ADGRV1: variants seen among roughly 807,000 people sequenced by gnomAD.
ADGRV1 encodes the protein G-protein coupled receptor 98.
ADGRV1 carries 359 observed loss-of-function variants against 596.2 expected under a neutral mutation model. The observed-to-expected ratio is 0.60, with a 90% CI of 0.55 to 0.66. ADGRV1 has a LOEUF of 0.66. ADGRV1 is among the 30% of genes least tolerant of loss of function. The pLI is 0.00. For missense variants in ADGRV1, 7,274 were observed against 7,575.6 expected, an observed-to-expected ratio of 0.96 and a Z score of 1.48; for synonymous variants, 2,681 against 2,679.2, an observed-to-expected ratio of 1.00 and a Z score of -0.02.
chr5:90,691,295 T>C (rs1746436010), intron 31 of ADGRV1, among the ~76,000 whole-genome samples: 1 of 149,486 alleles, frequency 6.7e-6, no homozygotes, highest in Non-Finnish European at 1.5e-5. Context: ...GTTCAACATT[T>C]TGGTTAAAAG....
Position 90,618,041 on chromosome 5 carries a change from T to C in ADGRV1, c.357+88T>C. 4.1e-6 allele frequency: 4 copies of C among 984,660 alleles called. No individual in the cohort carries two copies. The South Asian group carries it at 8.4e-5, about 21-fold the overall frequency. 61.0% of individuals were successfully genotyped at this position (984,660 alleles called of 1,614,324 possible). On this transcript the variant is annotated intron_variant, in intron 3 of 89. Coordinates refer to ENST00000405460, the MANE Select transcript of ADGRV1 (RefSeq NM_032119.4). ...TTTAGTGCTTAACAATCTATCTATC[T>C]AGAGATGAGCCAATTCAGATAACTG... is the stretch of plus-strand genomic sequence containing the variant.
chr5:90,745,545 T>G, intron 51 of ADGRV1, 46 bp from the exon 52 acceptor site: 1 of 1,302,960 alleles, frequency 7.7e-7, no homozygotes, highest in Non-Finnish European at 1.1e-6. Flanking sequence ...GTATATATCT[T>G]AAATTTGTTG....
chr5:90,644,336 A>T (rs1433004184), intron 14 of ADGRV1, among the ~76,000 whole-genome samples: 3 of 152,214 alleles, frequency 2.0e-5, no homozygotes, highest in African/African-American at 7.2e-5. Flanking sequence ...TTTTTAGAGC[A>T]GTGTCTGTCT....
In ADGRV1 at chr5:90,629,329, A is replaced by G. The variant is rs757638928; in HGVS notation, c.1629A>G (p.Arg543=). 8.1e-6 allele frequency: 13 copies of G among 1,613,522 alleles called. No individual in the cohort carries two copies. Among genetic ancestry groups the G allele is most frequent in the Non-Finnish European group, 1.0e-5 (12 of 1,179,770 alleles). Residue 543 remains arginine (R), a synonymous_variant, in exon 9 of 90, where the codon AGA becomes AGG. Coordinates refer to ENST00000405460, the MANE Select transcript of ADGRV1 (RefSeq NM_032119.4). ...GERYLSLSFT[R]LGGTKGDVRL... ...GATACTTATCCTTGAGTTTTACAAGACTAGGAGGGACTAAAGGAGATGTGA... is the reference window on the plus strand; with the variant it reads ...GATACTTATCCTTGAGTTTTACAAGGCTAGGAGGGACTAAAGGAGATGTGA...
chr5:90,601,919 T>C (rs1051846643), intron 1 of ADGRV1, among the ~76,000 whole-genome samples: 3 of 152,206 alleles, frequency 2.0e-5, no homozygotes, highest in Non-Finnish European at 2.9e-5. Flanking sequence ...TGCTGGAGGC[T>C]TGGACAATAA....
At chr5:91,114,263 A>G (rs1792648286) in intron 87 of ADGRV1, among the ~76,000 whole-genome samples, 1 of 151,886 alleles carries the variant, frequency 6.6e-6, no homozygotes, top group Non-Finnish European at 1.5e-5. Flanking sequence ...GCAGTGGGTC[A>G]AGCCTGTAAT....
chr5:90,866,317 G>GTGTGTA (rs1768098538), intron 83 of ADGRV1, among the ~76,000 whole-genome samples: 1 of 149,178 alleles, frequency 6.7e-6, no homozygotes, highest in South Asian at 2.1e-4. Context: ...ATGTGTATAT[G>GTGTGTA]TGTGTGTGTG....
chr5:90,733,038 G>A (rs1215423702), intron 50 of ADGRV1, among the ~76,000 whole-genome samples: 1 of 152,198 alleles, frequency 6.6e-6, no homozygotes, highest in East Asian at 1.9e-4. Context: ...GAATATGCTG[G>A]ATGAAGTAAC....
chr5:91,006,541 G>A (rs1782293323), intron 85 of ADGRV1, among the ~76,000 whole-genome samples: 1 of 152,002 alleles, frequency 6.6e-6, no homozygotes, highest in Non-Finnish European at 1.5e-5. Flanking sequence ...CAATTAGTAA[G>A]ATGTTCTATG....
intron 87 of ADGRV1, among the ~76,000 whole-genome samples, chr5:91,113,887 C>T (rs745964944): frequency 6.6e-6 from 1 of 151,166 alleles, no homozygotes; most frequent in Non-Finnish European, 1.5e-5. Context: ...TCACTTTACT[C>T]CAGCCTGGGC....
chr5:91,009,525 A>G (rs1195286663), intron 85 of ADGRV1, among the ~76,000 whole-genome samples: 1 of 152,274 alleles, frequency 6.6e-6, no homozygotes, highest in African/African-American at 2.4e-5. Flanking sequence ...TTTTTATTCT[A>G]AATGTTCATA....
At chr5:90,693,784 T>C (rs1746800773) in intron 32 of ADGRV1, 106 bp from the exon 33 acceptor site, 2 of 833,492 alleles carry the variant, frequency 2.4e-6, no homozygotes, top group South Asian at 2.2e-5. Flanking sequence ...ACTATGACTT[T>C]AAACATTTTT....
intron 45 of ADGRV1, among the ~76,000 whole-genome samples, chr5:90,721,856 T>A (rs993769836): frequency 2.8e-5 from 4 of 143,096 alleles, no homozygotes; most frequent in Non-Finnish European, 4.5e-5. Flanking sequence ...GAGGTGAGAG[T>A]GAGAAGCTGT....
At chr5:90,874,169 A>T (rs1399617604) in intron 83 of ADGRV1, among the ~76,000 whole-genome samples, 1 of 152,068 alleles carries the variant, frequency 6.6e-6, no homozygotes, top group Admixed American at 6.5e-5. Context: ...CTCCCCGTTC[A>T]CCCAGCACAG....
At chr5:90,800,352 T>C (rs775862509) in intron 70 of ADGRV1, among the ~76,000 whole-genome samples, 115 of 152,212 alleles carry the variant, frequency 7.6e-4, no homozygotes, top group Non-Finnish European at 1.3e-3. Flanking sequence ...ATTAGAGAAA[T>C]GCAAATCAGA....
chr5:91,143,768 C>G (rs545721982), intron 87 of ADGRV1, among the ~76,000 whole-genome samples: 2 of 152,330 alleles, frequency 1.3e-5, no homozygotes, highest in Non-Finnish European at 2.9e-5. Context: ...GGGGCCTTCC[C>G]CCTCTACTCC....
chr5:90,751,519 T>C lies in ADGRV1; in HGVS notation c.11121+822T>C, dbSNP rs535461285. 4.6e-5 allele frequency among the ~76,000 whole-genome samples: 7 copies of C among 152,116 alleles called. No individual in the cohort carries two copies. In the South Asian group the frequency reaches 1.2e-3, roughly 27 times the overall value. ...GAGATTATCTATTACTGGAGAATAG[T>C]ATAAAGTTGGAGCTGAGGTTCAAGA... On this transcript the variant is annotated intron_variant, in intron 53 of 89. Coordinates refer to ENST00000405460, the MANE Select transcript of ADGRV1 (RefSeq NM_032119.4).
chr5:90,684,176 G>C lies in ADGRV1; in HGVS notation c.6255G>C (p.Ala2085=), dbSNP rs768812855. ...AACTACTCAACTCTACTTTAGTAGC[G>C]AAAGTACAGAGTCGTTCAAGTAAGT... ...FIELLNSTLV[A]KVQSRSIPNS... Residue 2085 remains alanine (A), a synonymous_variant, in exon 28 of 90, where the codon GCG becomes GCC. Transcript: ENST00000405460. 1 of 1,612,152 alleles carries C rather than the reference G, an allele frequency of 6.2e-7. No homozygotes were observed. The highest frequency in any genetic ancestry group is 8.5e-7 in the Non-Finnish European group (1 of 1,178,892).
At chr5:90,985,614 A>G (rs2151050184) in intron 85 of ADGRV1, 92 bp downstream of exon 85, 2 of 903,298 alleles carry the variant, frequency 2.2e-6, no homozygotes, top group Middle Eastern at 4.4e-4. Flanking sequence ...AGTACCAGGA[A>G]GATCTTTGCT....
Sources: allele counts gnomAD v4.1 joint callset (sites outside exome capture counted in the v4.1 genomes callset), GRCh38; gene constraint gnomAD v4.1.1; transcripts MANE v1.5; gene names NCBI Gene and HGNC (gene_info 2026-07-23, HGNC 2026-07-21).